RGP1: variants seen among roughly 807,000 people sequenced by gnomAD.
RGP1 encodes RGP1 partner of RAB6A GEF complex, also known as RAB6A-GEF complex partner protein 2.
RGP1 carries 28 observed loss-of-function variants against 44.5 expected under a neutral mutation model. The ratio of observed to expected loss-of-function variants is 0.63; its 90% CI spans 0.47 to 0.86. RGP1 has a LOEUF of 0.86. Among genes scored for constraint, RGP1 ranks in the 40% least tolerant of loss-of-function variants. The probability of loss-of-function intolerance (pLI) is 0.00; values close to 1 mark genes in which losing one functional copy is unlikely to be tolerated. For synonymous variants in RGP1, 212 were observed against 196.7 expected, an observed-to-expected ratio of 1.08 and a Z score of -0.65; for missense variants, 417 against 490.7, an observed-to-expected ratio of 0.85 and a Z score of 1.42.
the RGP1 span, among the ~76,000 whole-genome samples, chr9:35,778,136 C>T: frequency 1.3e-5 from 2 of 151,874 alleles, no homozygotes; most frequent in Admixed American, 6.6e-5. Context: ...CCCGTCTCTA[C>T]TAAAAATACA....
the RGP1 span, among the ~76,000 whole-genome samples, chr9:35,774,709 G>A: frequency 6.6e-6 from 1 of 152,052 alleles, no homozygotes; most frequent in South Asian, 2.1e-4. Context: ...GGGCGACAGA[G>A]CAAGACTCTG....
chr9:35,758,867 G>A (rs544341813), downstream of RGP1, among the ~76,000 whole-genome samples: 4 of 150,652 alleles, frequency 2.7e-5, no homozygotes, highest in Non-Finnish European at 5.9e-5. Flanking sequence ...ACACTCTTAT[G>A]TTGAAATCTT....
At chr9:35,760,472 A>G (rs1483885655), downstream of RGP1, among the ~76,000 whole-genome samples, 1 of 152,202 alleles carries the variant, frequency 6.6e-6, no homozygotes, top group East Asian at 1.9e-4. Flanking sequence ...AAGACAAAAT[A>G]TACCCTCTAC....
intron 5 of RGP1, 138 bp from the exon 6 acceptor site, chr9:35,751,128 G>A: frequency 6.9e-7 from 1 of 1,445,544 alleles, no homozygotes; most frequent in Non-Finnish European, 9.5e-7. Context: ...AGGGAGGGAG[G>A]GTTCTGGAGA....
rs1168627747 is a variant in RGP1 at position 35,753,145 on chromosome 9, T to C, written c.*271T>C. 1.2e-6 allele frequency: 2 copies of C among 1,614,212 alleles called. No homozygotes were observed. Among genetic ancestry groups the C allele is most frequent in the South Asian group, 2.2e-5 (2 of 91,088 alleles). ...GAGCCCCAGGAACAGGGGTGTTGGC[T>C]GAGCCCCATTCTGGGTCAGGCCCTC... On this transcript the variant is annotated 3_prime_UTR_variant, in exon 9 of 9. Coordinates refer to ENST00000378078, the MANE Select transcript of RGP1 (RefSeq NM_001080496.3). This position sits in a 1 kb window ranked among gnomAD's most constrained non-coding sequence, Gnocchi z 4.2.
downstream of RGP1, among the ~76,000 whole-genome samples, chr9:35,762,848 A>G (rs2132043979): frequency 6.6e-6 from 1 of 151,992 alleles, no homozygotes; most frequent in East Asian, 1.9e-4. Context: ...ACGGAAAAAA[A>G]AAAACAGTTC....
chr9:35,778,695 G>A, the RGP1 span, among the ~76,000 whole-genome samples: 197 of 152,072 alleles, frequency 1.3e-3, no homozygotes, highest in African/African-American at 4.6e-3. Context: ...CCCTCCTCTC[G>A]AATGCACAAA....
At chr9:35,762,114 G>GA (rs543166937), downstream of RGP1, among the ~76,000 whole-genome samples, 6 of 150,422 alleles carry the variant, frequency 4.0e-5, no homozygotes, top group East Asian at 1.9e-4. Flanking sequence ...AGATTCTGTT[G>GA]AAAAAAAAAA....
At chr9:35,787,948 G>T in the RGP1 span, among the ~76,000 whole-genome samples, 1 of 152,202 alleles carries the variant, frequency 6.6e-6, no homozygotes. Context: ...CAGCAGAGAA[G>T]ATATTTTGTT....
chr9:35,785,341 T>G, the RGP1 span, among the ~76,000 whole-genome samples: 5 of 151,938 alleles, frequency 3.3e-5, no homozygotes, highest in Admixed American at 3.3e-4. Flanking sequence ...TGAAGGTGCC[T>G]CAGGGGTTCT....
At position 35,750,963 on chromosome 9, in the gene RGP1, T is replaced by A. The variant is rs1827249193; in HGVS notation, c.461T>A (p.Val154Asp). ...RVNSPITLLR[V>D]PLRVLVLTGL... ...AACTCCCCTATCACTTTACTCAGAG[T>A]CCCTCTGAGGGTTCTTGTGCTGACT... The change falls in exon 5 of 9, where the codon GTC (valine) becomes GAC (aspartate). Residue 154 changes from valine (V) to aspartate (D), a missense_variant. Coordinates refer to ENST00000378078, the MANE Select transcript of RGP1 (RefSeq NM_001080496.3). The A allele has an allele frequency of 6.2e-7, 1 of 1,613,346 alleles. No individual in the cohort carries two copies.
chr9:35,783,058 C>G, the RGP1 span, among the ~76,000 whole-genome samples: 1 of 152,142 alleles, frequency 6.6e-6, no homozygotes. Flanking sequence ...ATCCACCCAC[C>G]TCGGCCTCCC....
At chr9:35,783,326 A>C in the RGP1 span, among the ~76,000 whole-genome samples, 1 of 152,230 alleles carries the variant, frequency 6.6e-6, no homozygotes, top group Non-Finnish European at 1.5e-5. Flanking sequence ...TGTGGTAAGA[A>C]CATTCAAAAT....
At chr9:35,768,103 AT>A in the RGP1 span, among the ~76,000 whole-genome samples, 656 of 135,230 alleles carry the variant, frequency 4.9e-3, 3 homozygotes, top group African/African-American at 9.0e-3. Flanking sequence ...GCCTGGCCAG[AT>A]TTTTTTTTTT....
rs1352384920 is a variant in RGP1 at position 35,756,025 on chromosome 9, C to T, written c.*3151C>T. 1 of 152,280 alleles carries T rather than the reference C, an allele frequency of 6.6e-6. No individual in the cohort carries two copies. Among genetic ancestry groups the T allele is most frequent in the Non-Finnish European group, 1.5e-5 (1 of 68,090 alleles). 9.4% of individuals were successfully genotyped at this position (152,280 alleles called of 1,614,324 possible). A position where few individuals can be genotyped will look rare whatever the true frequency, so the allele number is the denominator to read the frequency against. On this transcript the variant is annotated 3_prime_UTR_variant, in exon 9 of 9. Transcript: ENST00000378078. ...TAACTTTAAGTCTCCTGCTTTTTCT[C>T]ACTTGGATTTGGATCCATTTCTTCC...
rs34478611 is a variant in RGP1, at chr9:35,753,901, G to A, written c.*1027G>A. The stretch of plus-strand genomic sequence containing the variant: ...TTGTCTTTCCTGTTTCACAGCTGGA[G>A]GAAGCCTGGGTATTTTGACACGGGA... On this transcript the variant is annotated 3_prime_UTR_variant, in exon 9 of 9. Transcript: ENST00000378078. This position sits in a 1 kb window ranked among gnomAD's most constrained non-coding sequence, Gnocchi z 4.2. The A allele has an allele frequency of 0.23, 354,244 of 1,551,642 alleles. 42,337 individuals carry two copies. The highest frequency in any genetic ancestry group is 0.35 in the East Asian group (15,505 of 44,260).
the RGP1 span, among the ~76,000 whole-genome samples, chr9:35,778,226 C>T: frequency 1.1e-3 from 170 of 152,194 alleles, no homozygotes; most frequent in African/African-American, 3.3e-3. Flanking sequence ...CACTTGAACC[C>T]GGGAGACAGA....
At position 35,757,019 on chromosome 9, in the gene RGP1, G is replaced by A. The variant is rs991784339; in HGVS notation, c.*4145G>A. 4.6e-5 allele frequency: 7 copies of A among 152,502 alleles called. No individual in the cohort carries two copies. The highest frequency in any genetic ancestry group is 8.8e-5 in the Non-Finnish European group (6 of 68,296). The allele number at this position is 152,502 out of a possible 1,614,324, so 9.4% of individuals were successfully genotyped here. ...GGACCAGGCCCGCTGGGTCCTGGGGGCGCGGTGGCTGGCGCGCAGGTCCCG... is the reference window on the plus strand; with the variant it reads ...GGACCAGGCCCGCTGGGTCCTGGGGACGCGGTGGCTGGCGCGCAGGTCCCG... On this transcript the variant is annotated 3_prime_UTR_variant, in exon 9 of 9. Coordinates refer to ENST00000378078, the MANE Select transcript of RGP1 (RefSeq NM_001080496.3).
chr9:35,773,212 G>A, the RGP1 span, among the ~76,000 whole-genome samples: 2 of 151,930 alleles, frequency 1.3e-5, no homozygotes, highest in African/African-American at 4.8e-5. Flanking sequence ...AATATAGTGA[G>A]ACCTTGTCTC....
Sources: gnomAD v4.1 joint callset for allele counts (sites outside exome capture counted in the v4.1 genomes callset) on GRCh38, gnomAD v4.1.1 for gene constraint, Gnocchi (gnomAD v3.1) non-coding constraint, MANE v1.5 for transcripts, NCBI Gene and HGNC (gene_info 2026-07-23, HGNC 2026-07-21) for gene names.